KCNN3: variants seen among roughly 807,000 people sequenced by gnomAD.
KCNN3 encodes potassium calcium-activated channel subfamily N member 3.
In KCNN3, 16 loss-of-function variants were observed where a neutral mutation model predicts 62.9. The ratio of observed to expected loss-of-function variants is 0.25; its 90% CI spans 0.17 to 0.39. The LOEUF (loss-of-function observed/expected upper bound fraction) is 0.39, where lower values mean the gene tolerates loss of function less well. KCNN3 is among the 10% of genes least tolerant of loss of function. The pLI is 1.00. For synonymous variants in KCNN3, 370 were observed against 389.2 expected (o/e 0.95, Z 0.58); for missense variants, 599 against 949.4 (o/e 0.63, Z 4.85).
At chr1:154,710,301 G>A (rs1291733300) in intron 7 of KCNN3, among the ~76,000 whole-genome samples, 1 of 152,188 alleles carries the variant, frequency 6.6e-6, no homozygotes, top group South Asian at 2.1e-4. Flanking sequence ...CCCCTGTTCC[G>A]TTGCTTGGTG....
At chr1:154,868,877 CCA>C (rs1393484050) in intron 1 of KCNN3, among the ~76,000 whole-genome samples, 153 bp downstream of exon 1, 4 of 150,580 alleles carry the variant, frequency 2.7e-5, no homozygotes, top group Admixed American at 1.3e-4. Context: ...CCTCTCTCTC[CCA>C]GTCTCCCTCC....
intron 1 of KCNN3, among the ~76,000 whole-genome samples, chr1:154,848,541 C>T (rs181310927): frequency 1.3e-5 from 2 of 152,126 alleles, no homozygotes; most frequent in African/African-American, 4.8e-5. Context: ...CAGCCTAGTT[C>T]GTGAAGCCCC....
chr1:154,777,997 G>T (rs1648862933), intron 2 of KCNN3, among the ~76,000 whole-genome samples: 1 of 152,202 alleles, frequency 6.6e-6, no homozygotes, highest in African/African-American at 2.4e-5. Flanking sequence ...GCCTAAAAAA[G>T]TGATTTCACT....
At chr1:154,738,608 C>T (rs995333412) in intron 3 of KCNN3, among the ~76,000 whole-genome samples, 2 of 152,146 alleles carry the variant, frequency 1.3e-5, no homozygotes, top group Admixed American at 6.5e-5. Flanking sequence ...AGGTGCTCAC[C>T]AGGTGCGGAG....
rs544242982 is a variant in KCNN3, at chr1:154,806,808, T to C, written c.1029+15281A>G. On this transcript the variant is annotated intron_variant, in intron 2 of 7. Transcript: ENST00000271915. ...TTATGTCAGCTCAGGATTGTTGTAATTGCAGTTCTGTATAATGTTCATAAG... is the reference window on the plus strand; with the variant it reads ...TTATGTCAGCTCAGGATTGTTGTAACTGCAGTTCTGTATAATGTTCATAAG... Among the ~76,000 whole-genome samples the C allele has an allele frequency of 3.3e-5, 5 of 152,248 alleles. No individual in the cohort carries two copies. In the South Asian group the frequency reaches 8.3e-4, roughly 25 times the overall value.
intron 2 of KCNN3, among the ~76,000 whole-genome samples, chr1:154,785,840 A>G (rs1345775747): frequency 6.6e-6 from 1 of 151,680 alleles, no homozygotes; most frequent in African/African-American, 2.4e-5. Context: ...GCCTCATATG[A>G]TCAGCCATCC....
At chr1:154,731,342 C>G (rs1700587538) in intron 4 of KCNN3, among the ~76,000 whole-genome samples, 1 of 152,240 alleles carries the variant, frequency 6.6e-6, no homozygotes, top group African/African-American at 2.4e-5. Flanking sequence ...TATCACAACC[C>G]CAGCGCTAAG....
At chr1:154,799,362 C>T (rs965624617) in intron 2 of KCNN3, among the ~76,000 whole-genome samples, 1 of 152,182 alleles carries the variant, frequency 6.6e-6, no homozygotes, top group African/African-American at 2.4e-5. Context: ...GTCACACTGT[C>T]GGATTAGGTC....
At chr1:154,859,654 C>T in intron 1 of KCNN3, 1 of 1,597,696 alleles carries the variant, frequency 6.3e-7, no homozygotes, top group Non-Finnish European at 8.6e-7. Context: ...TCATCTGCTT[C>T]CTCCTCCCTA....
At chr1:154,786,401 A>G (rs771764229) in intron 2 of KCNN3, among the ~76,000 whole-genome samples, 1 of 152,256 alleles carries the variant, frequency 6.6e-6, no homozygotes, top group Non-Finnish European at 1.5e-5. Flanking sequence ...CAACCTGAAT[A>G]CACATCAATA....
chr1:154,825,222 C>T (rs1420108348), intron 1 of KCNN3, among the ~76,000 whole-genome samples: 1 of 152,142 alleles, frequency 6.6e-6, no homozygotes, highest in Non-Finnish European at 1.5e-5. Context: ...ATCTGAGGAC[C>T]AATAAGGGGC....
intron 2 of KCNN3, among the ~76,000 whole-genome samples, chr1:154,784,548 G>A (rs1649194729): frequency 6.6e-6 from 1 of 152,220 alleles, no homozygotes; most frequent in South Asian, 2.1e-4. Context: ...CTGACTCCCA[G>A]GTGGGGCTGG....
intron 3 of KCNN3, among the ~76,000 whole-genome samples, chr1:154,768,423 A>T (rs1346175957): frequency 2.0e-5 from 3 of 152,240 alleles, no homozygotes; most frequent in African/African-American, 7.2e-5. Flanking sequence ...CCTGGGAAAC[A>T]GTCTGTGAGA....
intron 1 of KCNN3, among the ~76,000 whole-genome samples, chr1:154,846,978 G>A (rs1652089728): frequency 1.3e-5 from 2 of 152,132 alleles, no homozygotes; most frequent in African/African-American, 2.4e-5. Flanking sequence ...CACCGGACTC[G>A]GAGTCTTCCT....
chr1:154,850,905 C>T (rs1652274082), intron 1 of KCNN3, among the ~76,000 whole-genome samples: 1 of 152,210 alleles, frequency 6.6e-6, no homozygotes, highest in South Asian at 2.1e-4. Context: ...ACCCTAGCAA[C>T]TTCCAGTGAC....
At chr1:154,844,687 C>G (rs1247373093) in intron 1 of KCNN3, among the ~76,000 whole-genome samples, 1 of 152,174 alleles carries the variant, frequency 6.6e-6, no homozygotes, top group African/African-American at 2.4e-5. Context: ...GGAAGGGCCA[C>G]ATTTTTACCC....
intron 2 of KCNN3, among the ~76,000 whole-genome samples, chr1:154,803,281 G>A (rs915087189): frequency 5.3e-5 from 8 of 152,166 alleles, no homozygotes; most frequent in Non-Finnish European, 1.2e-4. Context: ...AGGCTTTCAC[G>A]CAAGCCCCAG....
At chr1:154,731,504 C>A (rs920378182) in intron 4 of KCNN3, among the ~76,000 whole-genome samples, 1 of 152,190 alleles carries the variant, frequency 6.6e-6, no homozygotes, top group African/African-American at 2.4e-5. Context: ...CCAATATCAG[C>A]CCCAGGAAGC....
chr1:154,868,761 C>T (rs893133555), intron 1 of KCNN3, among the ~76,000 whole-genome samples: 2 of 151,960 alleles, frequency 1.3e-5, no homozygotes, highest in Non-Finnish European at 2.9e-5. Context: ...TGTCCCCTAC[C>T]CCCCAGAGGA....
Sources: allele counts gnomAD v4.1 joint callset (sites outside exome capture counted in the v4.1 genomes callset), GRCh38; gene constraint gnomAD v4.1.1; transcripts MANE v1.5; gene names NCBI Gene and HGNC (gene_info 2026-07-23, HGNC 2026-07-21).